The following POLE variants were observed in gnomAD, a reference collection of about 807,000 sequenced individuals.
POLE encodes the protein DNA polymerase epsilon catalytic subunit A.
A neutral mutation model predicts 279.2 loss-of-function variants in POLE; 188 were observed. The observed-to-expected ratio is 0.67, with a 90% CI of 0.60 to 0.76. POLE has a LOEUF of 0.76. POLE is among the 30% of genes least tolerant of loss of function. POLE has a pLI of 0.00. For synonymous variants in POLE, 1,214 were observed against 1,172.5 expected, an observed-to-expected ratio of 1.04 and a Z score of -0.72; for missense variants, 2,703 against 3,016.7, an observed-to-expected ratio of 0.90 and a Z score of 2.44.
chr12:132,674,034 C>T (rs1011320218), intron 12 of POLE, among the ~76,000 whole-genome samples: 2 of 152,162 alleles, frequency 1.3e-5, no homozygotes, highest in African/African-American at 4.8e-5. Context: ...CAGGTCTGCA[C>T]CCCTGGGGCC....
rs1265970870 is a variant in POLE, at chr12:132,687,333, C to G, written c.-18G>C. On this transcript the variant is annotated 5_prime_UTR_variant, in exon 1 of 49. Coordinates refer to ENST00000320574, the MANE Select transcript of POLE (RefSeq NM_006231.4). ...AGAGACATGGAGCCGTTGGCTACCACCTCTGCTTCAGGGGAGAAATTTGGC... is the reference window on the plus strand; with the variant it reads ...AGAGACATGGAGCCGTTGGCTACCAGCTCTGCTTCAGGGGAGAAATTTGGC... 1 of 1,492,594 alleles carries G rather than the reference C, an allele frequency of 6.7e-7. No homozygotes were observed. Among genetic ancestry groups the G allele is most frequent in the Non-Finnish European group, 8.9e-7 (1 of 1,119,436 alleles). 92.5% of individuals were successfully genotyped at this position (1,492,594 alleles called of 1,614,324 possible).
At chr12:132,630,536 G>A (rs555507663) in intron 45 of POLE, among the ~76,000 whole-genome samples, 1 of 152,064 alleles carries the variant, frequency 6.6e-6, no homozygotes, top group Non-Finnish European at 1.5e-5. Flanking sequence ...GATCACTTGA[G>A]GTCAGGAGTT....
In POLE at chr12:132,659,297, C is replaced by G. The variant is rs2042626484; in HGVS notation, c.3273G>C (p.Glu1091Asp). 6.2e-7 allele frequency: 1 copy of G among 1,613,568 alleles called. No individual in the cohort carries two copies. Among genetic ancestry groups the G allele is most frequent in the Non-Finnish European group, 8.5e-7 (1 of 1,179,876 alleles). Residue 1091 changes from glutamate (E) to aspartate (D), a missense_variant and splice_region_variant, in exon 26 of 49, where the codon GAG becomes GAC. By Grantham distance (45) the Glu-to-Asp change is conservative. Around this residue, in one of 5 missense-constraint regions of POLE, gnomAD observed 1,551 missense variants for 1,686.1 expected, o/e 0.92. Transcript: ENST00000320574. The part of the protein sequence containing the change: ...SRKPEGSPVT[E>D]RAIPLAIFQA... Reference sequence around the variant, plus strand: ...TCCGTGATGGGGGGAGCCCTCACCTCTCCGTGACAGGGGAGCCCTCGGGCT... The same window carrying G: ...TCCGTGATGGGGGGAGCCCTCACCTGTCCGTGACAGGGGAGCCCTCGGGCT...
Position 132,624,583 on chromosome 12 carries a change from C to T in POLE, c.*114G>A, listed in dbSNP as rs1321636181. On this transcript the variant is annotated 3_prime_UTR_variant, in exon 49 of 49. Coordinates refer to ENST00000320574, the MANE Select transcript of POLE (RefSeq NM_006231.4). ...TCCTCCCCGTTCCCTGGCCTGGGGT[C>T]ACAGGTTTGGACAGTCAGGGTGGTC... 2 of 754,804 alleles carry T rather than the reference C, an allele frequency of 2.6e-6. No individual in the cohort carries two copies. Among genetic ancestry groups the T allele is most frequent in the South Asian group, 2.8e-5 (2 of 70,392 alleles). The allele number at this position is 754,804 out of a possible 1,614,324, so 46.8% of individuals were successfully genotyped here.
chr12:132,633,674 C>G (rs564829519), intron 43 of POLE: 5 of 153,232 alleles, frequency 3.3e-5, no homozygotes, highest in African/African-American at 1.2e-4. Flanking sequence ...TTCCTCGATA[C>G]ACTTCATCTG....
intron 23 of POLE, among the ~76,000 whole-genome samples, chr12:132,662,007 C>T (rs2042692809): frequency 6.6e-6 from 1 of 152,200 alleles, no homozygotes; most frequent in Non-Finnish European, 1.5e-5. Context: ...AGAGGATTTG[C>T]TGACAAAGGG....
rs5744733 is a variant in POLE at position 132,681,301 on chromosome 12, C to T, written c.63-22G>A. 159,540 of 1,604,960 alleles carry T rather than the reference C, an allele frequency of 0.099. 8,630 individuals carry two copies. The highest frequency in any genetic ancestry group is 0.11 in the Non-Finnish European group (129,055 of 1,176,162). The stretch of plus-strand genomic sequence containing the variant: ...ATCCCTGAGTGAAAGAAGGGAACCC[C>T]GTGCTTAATTTGTAATGCCACCTGC... On this transcript the variant is annotated intron_variant, in intron 1 of 48. Transcript: ENST00000320574.
rs1060504042 is a variant in POLE at position 132,657,379 on chromosome 12, C to T, written c.3429G>A (p.Lys1143=). The T allele has an allele frequency of 9.9e-6, 16 of 1,614,134 alleles. No homozygotes were observed. The highest frequency in any genetic ancestry group is 1.4e-5 in the Non-Finnish European group (16 of 1,180,030). ...GCAGGGCCGCAGGGATGGTGATGATCTTCTGGATGGCGCTTCCCAGCCGCT... is the reference window on the plus strand; with the variant it reads ...GCAGGGCCGCAGGGATGGTGATGATTTTCTGGATGGCGCTTCCCAGCCGCT... ...YIERLGSAIQ[K]IITIPAALQQ... The change falls in exon 28 of 49, where the codon AAG becomes AAA. Residue 1143 remains lysine, a synonymous_variant. Coordinates refer to ENST00000320574, the MANE Select transcript of POLE (RefSeq NM_006231.4).
chr12:132,630,789 C>T (rs5745053), intron 45 of POLE, among the ~76,000 whole-genome samples: 10,189 of 152,286 alleles, frequency 0.067, 466 homozygotes, highest in Admixed American at 0.13. Flanking sequence ...TACCACTACA[C>T]ACCTACTGGA....
intron 14 of POLE, 35 bp downstream of exon 14, chr12:132,673,129 G>T (rs2042967858): frequency 7.4e-7 from 1 of 1,346,440 alleles, no homozygotes; most frequent in Non-Finnish European, 1.1e-6. Flanking sequence ...AAGGGCTGAG[G>T]AGGCCAGGGT....
chr12:132,629,492 G>A (rs538789346), intron 45 of POLE, among the ~76,000 whole-genome samples: 8 of 152,266 alleles, frequency 5.3e-5, no homozygotes, highest in South Asian at 2.1e-4. Context: ...CTCTCCACCC[G>A]CACCTGTTGC....
At position 132,673,236 on chromosome 12, in the gene POLE, G is replaced by A. The variant is rs2135996556; in HGVS notation, c.1401C>T (p.Tyr467=). ...GGTGGACGTACTTCATGTACAGGTAGTAAGTGGCGACAGCATCTGACACAG... is the reference window on the plus strand; with the variant it reads ...GGTGGACGTACTTCATGTACAGGTAATAAGTGGCGACAGCATCTGACACAG... The part of the protein sequence containing the change: ...TYSVSDAVAT[Y]YLYMKYVHPF... The change falls in exon 14 of 49, where the codon TAC becomes TAT. Residue 467 remains tyrosine, a synonymous_variant. Coordinates refer to ENST00000320574, the MANE Select transcript of POLE (RefSeq NM_006231.4). 6.2e-7 allele frequency: 1 copy of A among 1,613,670 alleles called. No individual in the cohort carries two copies. The highest frequency in any genetic ancestry group is 8.5e-7 in the Non-Finnish European group (1 of 1,179,496).
chr12:132,657,771 G>T (rs928729072), intron 27 of POLE, 97 bp downstream of exon 27: 157 of 878,734 alleles, frequency 1.8e-4, no homozygotes, highest in African/African-American at 1.7e-5. Flanking sequence ...CAAGAGTGAA[G>T]ACGCCAGACA....
chr12:132,625,517 T>G (rs2041818018), intron 47 of POLE, 128 bp downstream of exon 47: 2 of 1,208,534 alleles, frequency 1.7e-6, no homozygotes, highest in Non-Finnish European at 2.4e-6. Flanking sequence ...TGGACTGGTC[T>G]GCAGGGCAGG....
intron 6 of POLE, among the ~76,000 whole-genome samples, chr12:132,678,931 G>A (rs551180014): frequency 3.3e-5 from 5 of 152,350 alleles, no homozygotes; most frequent in South Asian, 2.1e-4. Context: ...GGCGGACTCC[G>A]GGTAGGGACT....
In POLE at chr12:132,626,140, A is replaced by G. The variant is rs138094751; in HGVS notation, c.6508T>C (p.Cys2170Arg). The change falls in exon 46 of 49, where the codon TGT (cysteine) becomes CGT (arginine). Residue 2170 changes from cysteine (C) to arginine (R), a missense_variant. Cys to Arg is a radical substitution (Grantham distance 180, BLOSUM62 -3). Around this residue, in one of 5 missense-constraint regions of POLE, gnomAD observed 1,551 missense variants for 1,686.1 expected, o/e 0.92. Transcript: ENST00000320574. ...ACCTCTGAGAAGGAAGAGTCTTTAC[A>G]CAGGTCCAGGTCGCGGCAGAAGTTA... ...SCNFCRDLDL[C>R]KDSSFSEDGA... The G allele has an allele frequency of 3.1e-5, 50 of 1,605,830 alleles. No homozygotes were observed. The highest frequency in any genetic ancestry group is 3.7e-5 in the Non-Finnish European group (44 of 1,176,286).
chr12:132,672,165 G>T, intron 16 of POLE, 50 bp downstream of exon 16: 1 of 1,297,858 alleles, frequency 7.7e-7, no homozygotes, highest in South Asian at 1.2e-5. Context: ...CGTGGTCTGT[G>T]AAGAAGGCGC....
At chr12:132,641,879 A>T in intron 38 of POLE, 28 bp from the exon 39 acceptor site, 1 of 1,595,052 alleles carries the variant, frequency 6.3e-7, no homozygotes, top group Non-Finnish European at 8.5e-7. Context: ...ATGCTCAGCC[A>T]GCATCCTGCC....
chr12:132,643,371 G>C, intron 34 of POLE, 36 bp downstream of exon 34: 1 of 1,614,208 alleles, frequency 6.2e-7, no homozygotes, highest in Non-Finnish European at 8.5e-7. Flanking sequence ...ATGTGTGGGA[G>C]GCAGGCACAT....
Sources: allele counts gnomAD v4.1 joint callset (sites outside exome capture counted in the v4.1 genomes callset), GRCh38; gene constraint gnomAD v4.1.1; regional missense constraint gnomAD v4.1.1; transcripts MANE v1.5; gene names NCBI Gene and HGNC (gene_info 2026-07-23, HGNC 2026-07-21).